Variants in TAGAP observed in about 807,000 individuals in gnomAD.
TAGAP encodes T cell activation RhoGTPase activating protein.
Under a neutral mutation model 36.0 loss-of-function variants are expected in TAGAP, and 16 were observed. The ratio of observed to expected loss-of-function variants is 0.44; its 90% CI spans 0.30 to 0.68. TAGAP has a LOEUF of 0.68. Ranked by LOEUF, TAGAP falls within the 30% of genes least tolerant of loss-of-function variation. The pLI is 0.09. For missense variants in TAGAP, 794 were observed against 921.5 expected (o/e 0.86, Z 1.79); for synonymous variants, 372 against 377.4 (o/e 0.99, Z 0.17).
Position 159,036,300 on chromosome 6 carries a change from C to G in TAGAP, c.1723G>C (p.Ala575Pro). Residue 575 changes from alanine (A) to proline (P), a missense_variant, in exon 10 of 10, where the codon GCC (alanine) becomes CCC (proline). By Grantham distance (27) the Ala-to-Pro change is conservative (BLOSUM62 -1). Coordinates refer to ENST00000367066, the MANE Select transcript of TAGAP (RefSeq NM_054114.5). This position sits in a 1 kb window ranked among gnomAD's most constrained non-coding sequence, Gnocchi z 4.9. ...TGGAACACATCATCCACCGAGAGGGCGTGGGGTCTCAGGCAGAAGCCGCGG... is the reference window on the plus strand; with the variant it reads ...TGGAACACATCATCCACCGAGAGGGGGTGGGGTCTCAGGCAGAAGCCGCGG... ...TARGFCLRPH[A>P]LSVDDVFQGA... is the part of the protein sequence containing the mutation. 1 of 1,613,506 alleles carries G rather than the reference C, an allele frequency of 6.2e-7. No individual in the cohort carries two copies. Among genetic ancestry groups the G allele is most frequent in the Non-Finnish European group, 8.5e-7 (1 of 1,179,982 alleles).
intron 2 of TAGAP, 21 bp from the exon 3 acceptor site, chr6:159,044,052 T>G: frequency 6.2e-7 from 1 of 1,613,538 alleles, no homozygotes. Flanking sequence ...AAAAATAAAA[T>G]TAGGTAAATA....
At position 159,038,836 on chromosome 6, in the gene TAGAP, AAC is replaced by A. The variant is rs531195522; in HGVS notation, c.783+276_783+277del. 25 of 1,227,952 alleles carry A rather than the reference AAC, an allele frequency of 2.0e-5. No homozygotes were observed. The South Asian group carries it at 3.9e-4, about 19-fold the overall frequency. The allele number at this position is 1,227,952 out of a possible 1,614,324, so 76.1% of individuals were successfully genotyped here. On this transcript the variant is annotated intron_variant, in intron 8 of 9. Coordinates refer to ENST00000367066, the MANE Select transcript of TAGAP (RefSeq NM_054114.5). ...TAGACTGATAGACTGTGGTGTACAA[AAC>A]ACAAAAACAAAAGGGCTTTTTTATA...
Position 159,036,402 on chromosome 6 carries a change from T to A in TAGAP, c.1621A>T (p.Arg541Trp). The A allele has an allele frequency of 6.2e-7, 1 of 1,614,046 alleles. No individual in the cohort carries two copies. The highest frequency in any genetic ancestry group is 8.5e-7 in the Non-Finnish European group (1 of 1,180,004). The change falls in exon 10 of 10, where the codon AGG becomes TGG. Residue 541 changes from arginine (R) to tryptophan (W), a missense_variant. Arg to Trp is a moderately radical substitution (Grantham distance 101). Transcript: ENST00000367066. This position sits in a 1 kb window ranked among gnomAD's most constrained non-coding sequence, Gnocchi z 4.9. ...SQDFTRDHVP[R>W]GVRKESQLAG... is the part of the protein sequence containing the mutation. ...AGCTGGCTTTCCTTTCTGACACCCCTCGGGACGTGGTCCCTGGTAAAGTCT... is the reference window on the plus strand; with the variant it reads ...AGCTGGCTTTCCTTTCTGACACCCCACGGGACGTGGTCCCTGGTAAAGTCT...
rs1046037453 is a variant in TAGAP, at chr6:159,035,552, A to G, written c.*275T>C. 4.8e-5 allele frequency: 14 copies of G among 291,792 alleles called. No homozygotes were observed. Among genetic ancestry groups the G allele is most frequent in the Middle Eastern group, 9.6e-4 (1 of 1,042 alleles). The allele number at this position is 291,792 out of a possible 1,614,324, so 18.1% of individuals were successfully genotyped here. On this transcript the variant is annotated 3_prime_UTR_variant, in exon 10 of 10. Coordinates refer to ENST00000367066, the MANE Select transcript of TAGAP (RefSeq NM_054114.5). ...AGGAACAGCAGTGTACTTCACTGCAAGTTCAAAACGTGTGCAGGGATTATT... is the reference window on the plus strand; with the variant it reads ...AGGAACAGCAGTGTACTTCACTGCAGGTTCAAAACGTGTGCAGGGATTATT...
Position 159,041,472 on chromosome 6 carries a change from C to G in TAGAP, c.359G>C (p.Gly120Ala). The G allele has an allele frequency of 6.2e-7, 1 of 1,614,156 alleles. No homozygotes were observed. The highest frequency in any genetic ancestry group is 1.3e-5 in the African/African-American group (1 of 75,032). ...CTCGTTGGCTGCTCTCCTGAATATCCCTTCCGTTGAAGGGCCTTTAAGGCA... is the reference window on the plus strand; with the variant it reads ...CTCGTTGGCTGCTCTCCTGAATATCGCTTCCGTTGAAGGGCCTTTAAGGCA... Reference protein sequence around the residue: ...ILCLKGPSTEGIFRRAANEKA... With the variant: ...ILCLKGPSTEAIFRRAANEKA... The change falls in exon 6 of 10, where the codon GGG becomes GCG. Residue 120 changes from glycine to alanine, a missense_variant. By Grantham distance (60) the Gly-to-Ala change is moderately conservative. Transcript: ENST00000367066. This position sits in a 1 kb window ranked among gnomAD's most constrained non-coding sequence, Gnocchi z 4.1.
Position 159,041,867 on chromosome 6 carries a change from A to T in TAGAP, c.315+211T>A, listed in dbSNP as rs1209090426. On this transcript the variant is annotated intron_variant, in intron 5 of 9. Transcript: ENST00000367066. This position sits in a 1 kb window ranked among gnomAD's most constrained non-coding sequence, Gnocchi z 4.1. ...ATGGCGGGACCATAGCTCTGAGCTCATTGGCAAATACAACTAATTTCAATT... is the reference window on the plus strand; with the variant it reads ...ATGGCGGGACCATAGCTCTGAGCTCTTTGGCAAATACAACTAATTTCAATT... The T allele has an allele frequency of 1.1e-5, 7 of 613,536 alleles. No individual in the cohort carries two copies. In the East Asian group the frequency reaches 1.7e-4, roughly 15 times the overall value. 38.0% of individuals were successfully genotyped at this position (613,536 alleles called of 1,614,324 possible). A position where few individuals can be genotyped will look rare whatever the true frequency, so the allele number is the denominator to read the frequency against.
Position 159,036,005 on chromosome 6 carries a change from A to G in TAGAP, c.2018T>C (p.Val673Ala), listed in dbSNP as rs188045239. The change falls in exon 10 of 10, where the codon GTC becomes GCC. Residue 673 changes from valine to alanine, a missense_variant. Transcript: ENST00000367066. This position sits in a 1 kb window ranked among gnomAD's most constrained non-coding sequence, Gnocchi z 4.9. ...LPERWKQSRT[V>A]HASGDSLGHV... ...CCCCAGAGAGTCCCCAGAAGCATGG[A>G]CAGTTCTGCTCTGTTTCCATCGCTC... is the stretch of plus-strand genomic sequence containing the variant. The G allele has an allele frequency of 6.2e-6, 10 of 1,613,646 alleles. No homozygotes were observed. In the Admixed American group the frequency reaches 1.7e-4, roughly 27 times the overall value.
Position 159,041,530 on chromosome 6 carries a change from A to G in TAGAP, c.316-15T>C. 6.2e-7 allele frequency: 1 copy of G among 1,611,752 alleles called. No individual in the cohort carries two copies. Among genetic ancestry groups the G allele is most frequent in the Non-Finnish European group, 8.5e-7 (1 of 1,179,014 alleles). ...GTGAGAATGTCCTAAAGGAAACAGC[A>G]ATAGGAACAGGAAAGGGTTACCCTT... On this transcript the variant is annotated splice_polypyrimidine_tract_variant and intron_variant, in intron 5 of 9. Transcript: ENST00000367066. This position sits in a 1 kb window ranked among gnomAD's most constrained non-coding sequence, Gnocchi z 4.1.
At chr6:159,038,255 A>C (rs770991136) in intron 8 of TAGAP, 27 bp from the exon 9 acceptor site, 14 of 1,046,568 alleles carry the variant, frequency 1.3e-5, no homozygotes, top group Non-Finnish European at 2.0e-5. Flanking sequence ...GCAATTTGTC[A>C]GCTTGAAGAC....
chr6:159,043,718 C>A, intron 3 of TAGAP, 63 bp from the exon 4 acceptor site: 3 of 1,454,746 alleles, frequency 2.1e-6, no homozygotes, highest in African/African-American at 1.4e-5. Context: ...TCTTTCCCCA[C>A]AAAACACACA....
rs756620977 is a variant in TAGAP at position 159,036,001 on chromosome 6, A to G, written c.2022T>C (p.His674=). The change falls in exon 10 of 10, where the codon CAT becomes CAC. Residue 674 remains histidine, a synonymous_variant. Coordinates refer to ENST00000367066, the MANE Select transcript of TAGAP (RefSeq NM_054114.5). The surrounding 1 kb of genome is among the most constrained non-coding windows in gnomAD (Gnocchi z 4.9). The part of the protein sequence containing the change: ...PERWKQSRTV[H]ASGDSLGHVS... ...CGTGCCCCAGAGAGTCCCCAGAAGC[A>G]TGGACAGTTCTGCTCTGTTTCCATC... The G allele has an allele frequency of 1.1e-5, 17 of 1,613,772 alleles. No homozygotes were observed. The highest frequency in any genetic ancestry group is 1.3e-5 in the African/African-American group (1 of 74,914).
Position 159,043,580 on chromosome 6 carries a change from A to C in TAGAP, c.148+9T>G. 6.2e-7 allele frequency: 1 copy of C among 1,613,810 alleles called. No homozygotes were observed. Among genetic ancestry groups the C allele is most frequent in the Non-Finnish European group, 8.5e-7 (1 of 1,179,708 alleles). ...TTACATAAAAGATCGGTATGTTTTT[A>C]AAACTCACCAATGAGCTGGCAAATA... On this transcript the variant is annotated intron_variant, in intron 4 of 9. Transcript: ENST00000367066.
chr6:159,044,109 G>C lies in TAGAP; in HGVS notation c.27+11C>G. The C allele has an allele frequency of 6.2e-7, 1 of 1,613,980 alleles. No homozygotes were observed. Among genetic ancestry groups the C allele is most frequent in the South Asian group, 1.1e-5 (1 of 90,988 alleles). ...GAAACGTGAATGAATGAATGTGAGA[G>C]GGGCACTCACAGCATTGTGGCTGCT... On this transcript the variant is annotated intron_variant, in intron 2 of 9. Transcript: ENST00000367066.
chr6:159,043,884 A>T, intron 3 of TAGAP, 94 bp downstream of exon 3: 1 of 1,186,380 alleles, frequency 8.4e-7, no homozygotes, highest in Non-Finnish European at 1.2e-6. Flanking sequence ...TACTACTCTT[A>T]TAATTACTAT....
At chr6:159,039,963 A>G (rs933450461) in intron 7 of TAGAP, among the ~76,000 whole-genome samples, 3 of 152,156 alleles carry the variant, frequency 2.0e-5, no homozygotes, top group African/African-American at 7.2e-5. Context: ...CTAGGTAGAA[A>G]CTCATTGTGA....
intron 8 of TAGAP, 37 bp from the exon 9 acceptor site, chr6:159,038,265 CTTT>C (rs559846736): frequency 0.022 from 9,939 of 454,224 alleles, 1 homozygote; most frequent in Non-Finnish European, 0.026. Flanking sequence ...AGCTTGAAGA[CTTT>C]TTTTTTTTTT....
chr6:159,038,095 A>G lies in TAGAP; in HGVS notation c.898+19T>C, dbSNP rs1186811922. The stretch of plus-strand genomic sequence containing the variant: ...AACTTTTCCCTACAATCGTAATCAA[A>G]TGATAGCACATTCCATACCTGAACT... On this transcript the variant is annotated intron_variant, in intron 9 of 9. Transcript: ENST00000367066. The G allele has an allele frequency of 4.7e-6, 7 of 1,505,264 alleles. No homozygotes were observed. The South Asian group carries it at 8.1e-5, about 17-fold the overall frequency. 93.2% of individuals were successfully genotyped at this position (1,505,264 alleles called of 1,614,324 possible).
chr6:159,041,656 C>G lies in TAGAP; in HGVS notation c.316-141G>C. 1.0e-6 allele frequency: 1 copy of G among 974,120 alleles called. No individual in the cohort carries two copies. The highest frequency in any genetic ancestry group is 1.4e-6 in the Non-Finnish European group (1 of 692,390). The allele number at this position is 974,120 out of a possible 1,614,324, so 60.3% of individuals were successfully genotyped here. ...GGCCTTCCTCAACCCTGCTATTTTT[C>G]TAAGAGGAGGCAAATTGTGAAAGCT... On this transcript the variant is annotated intron_variant, in intron 5 of 9. Coordinates refer to ENST00000367066, the MANE Select transcript of TAGAP (RefSeq NM_054114.5). The surrounding 1 kb of genome is among the most constrained non-coding windows in gnomAD (Gnocchi z 4.1).
In TAGAP at chr6:159,039,260, C is replaced by T. The variant is rs866271825; in HGVS notation, c.637G>A (p.Val213Ile). The T allele has an allele frequency of 1.9e-6, 3 of 1,613,860 alleles. No individual in the cohort carries two copies. Among genetic ancestry groups the T allele is most frequent in the African/African-American group, 1.3e-5 (1 of 74,896 alleles). ...TTGCTGATGAGGTGCAGCACATAGA[C>T]CAAGTGCTTGAGTAGCAGGAGGTTG... ...RPNLLLLKHL[V>I]YVLHLISKNS... The change falls in exon 8 of 10, where the codon GTC becomes ATC. Residue 213 changes from valine to isoleucine, a missense_variant. By Grantham distance (29) the Val-to-Ile change is conservative. Coordinates refer to ENST00000367066, the MANE Select transcript of TAGAP (RefSeq NM_054114.5).
Sources: gnomAD v4.1 joint callset for allele counts (sites outside exome capture counted in the v4.1 genomes callset) on GRCh38, gnomAD v4.1.1 for gene constraint, Gnocchi (gnomAD v3.1) non-coding constraint, MANE v1.5 for transcripts, NCBI Gene and HGNC (gene_info 2026-07-23, HGNC 2026-07-21) for gene names.